The following CUL3 variants were observed in gnomAD, a reference collection of about 807,000 sequenced individuals.
The protein encoded by CUL3 is cullin 3.
A neutral mutation model predicts 89.1 loss-of-function variants in CUL3; 19 were observed. That is an observed-to-expected ratio of 0.21 (90% confidence interval 0.15 to 0.31). CUL3 has a LOEUF of 0.31. CUL3 is among the 10% of genes least tolerant of loss of function. The probability of loss-of-function intolerance (pLI) is 1.00; values close to 1 mark genes in which losing one functional copy is unlikely to be tolerated. For synonymous variants in CUL3, 351 were observed against 308.4 expected (o/e 1.14, Z -1.45); for missense variants, 469 against 942.3 (o/e 0.50, Z 6.58).
In CUL3 at chr2:224,492,181, G is replaced by A. The variant is rs73993901; in HGVS notation, c.1842+3651C>T. 6.6e-3 allele frequency among the ~76,000 whole-genome samples: 1,012 copies of A among 152,232 alleles called. 12 individuals carry two copies. The highest frequency in any genetic ancestry group is 0.023 in the African/African-American group (961 of 41,534). On this transcript the variant is annotated intron_variant, in intron 13 of 15. Coordinates refer to ENST00000264414, the MANE Select transcript of CUL3 (RefSeq NM_003590.5). ...GTCTATTTTGCCTTCTGAGTTCAAA[G>A]TTCGCTAAACAGCCTTCAATTTTAA...
chr2:224,524,315 G>A (rs946859403), intron 3 of CUL3, among the ~76,000 whole-genome samples: 1 of 152,058 alleles, frequency 6.6e-6, no homozygotes, highest in Non-Finnish European at 1.5e-5. Context: ...GACTTAAGAT[G>A]TCAAGGTTCT....
At chr2:224,489,214 C>G (rs1017252056) in intron 13 of CUL3, among the ~76,000 whole-genome samples, 2 of 152,202 alleles carry the variant, frequency 1.3e-5, no homozygotes, top group Admixed American at 6.5e-5. Context: ...AGGATGCCCT[C>G]TCTCACCACT....
At position 224,478,188 on chromosome 2, in the gene CUL3, A is replaced by G; in HGVS notation, c.2175+12T>C. The G allele has an allele frequency of 6.2e-7, 1 of 1,602,206 alleles. No individual in the cohort carries two copies. The highest frequency in any genetic ancestry group is 1.7e-5 in the Admixed American group (1 of 58,856). On this transcript the variant is annotated intron_variant, in intron 15 of 15. Transcript: ENST00000264414. The stretch of plus-strand genomic sequence containing the variant: ...TTTTTTCTATATTAGCCCAGTAGTG[A>G]AGAGTCCTCACCTCCGCTACTAGAA...
chr2:224,544,066 G>C (rs545610690), intron 2 of CUL3, among the ~76,000 whole-genome samples: 2 of 152,044 alleles, frequency 1.3e-5, no homozygotes, highest in Non-Finnish European at 2.9e-5. Flanking sequence ...CAACTGCCCA[G>C]GGAAGTCACT....
At position 224,503,585 on chromosome 2, in the gene CUL3, G is replaced by A. The variant is rs1454078189; in HGVS notation, c.1377+67C>T. On this transcript the variant is annotated intron_variant, in intron 9 of 15. Transcript: ENST00000264414. ...ATCTACCAAATTAATTTCCAATCAC[G>A]TTGTCAGTACACAATCATAATAAAC... The A allele has an allele frequency of 3.1e-5, 38 of 1,244,234 alleles. No homozygotes were observed. The East Asian group carries it at 7.7e-4, about 25-fold the overall frequency. The allele number at this position is 1,244,234 out of a possible 1,614,324, so 77.1% of individuals were successfully genotyped here.
At chr2:224,568,160 C>T (rs1307074418) in intron 1 of CUL3, among the ~76,000 whole-genome samples, 2 of 152,194 alleles carry the variant, frequency 1.3e-5, no homozygotes, top group Non-Finnish European at 1.5e-5. Context: ...GAATCCTTCA[C>T]TGAACTCCTC....
chr2:224,520,526 C>T (rs1277612953), intron 3 of CUL3, among the ~76,000 whole-genome samples: 3 of 152,214 alleles, frequency 2.0e-5, no homozygotes, highest in Non-Finnish European at 4.4e-5. Flanking sequence ...TTAAGACCAA[C>T]TTCCCTGCCA....
intron 2 of CUL3, among the ~76,000 whole-genome samples, chr2:224,536,267 TA>T (rs1232492517): frequency 6.6e-6 from 1 of 152,208 alleles, no homozygotes; most frequent in African/African-American, 2.4e-5. Context: ...GCCTCTTTAC[TA>T]AATACAGCAA....
At chr2:224,532,725 T>C (rs1470063699) in intron 3 of CUL3, among the ~76,000 whole-genome samples, 1 of 152,116 alleles carries the variant, frequency 6.6e-6, no homozygotes, top group Non-Finnish European at 1.5e-5. Context: ...CAGAATTGTA[T>C]TCTGAGGATT....
intron 2 of CUL3, among the ~76,000 whole-genome samples, chr2:224,536,321 C>T (rs908129374): frequency 3.3e-5 from 5 of 152,316 alleles, no homozygotes; most frequent in Middle Eastern, 3.4e-3. Context: ...CATGGCTCGT[C>T]CCACTCACTT....
intron 2 of CUL3, among the ~76,000 whole-genome samples, chr2:224,543,581 G>T (rs905365015): frequency 2.6e-5 from 4 of 152,138 alleles, no homozygotes; most frequent in Non-Finnish European, 5.9e-5. Flanking sequence ...GGTTTTTTCA[G>T]ATTTTGGAAT....
chr2:224,513,433 TA>T, intron 5 of CUL3, 90 bp downstream of exon 5: 6 of 916,958 alleles, frequency 6.5e-6, no homozygotes, highest in South Asian at 1.6e-5. Context: ...GGGTCTCAGT[TA>T]AAAAAGGTCA....
intron 3 of CUL3, among the ~76,000 whole-genome samples, chr2:224,530,341 G>C (rs1693649984): frequency 6.6e-6 from 1 of 151,998 alleles, no homozygotes; most frequent in African/African-American, 2.4e-5. Context: ...TCCTGCTCTG[G>C]GCCTAAGATC....
At chr2:224,520,442 C>T (rs1693219994) in intron 3 of CUL3, among the ~76,000 whole-genome samples, 1 of 152,214 alleles carries the variant, frequency 6.6e-6, no homozygotes, top group Non-Finnish European at 1.5e-5. Context: ...ATAAGCACTT[C>T]ATTTGTAACA....
At chr2:224,511,606 T>A (rs749783215) in intron 5 of CUL3, 24 bp from the exon 6 acceptor site, 5 of 1,300,982 alleles carry the variant, frequency 3.8e-6, no homozygotes, top group African/African-American at 1.5e-5. Flanking sequence ...ATATATATAT[T>A]TTTTAAACAT....
At chr2:224,580,880 GAT>G (rs59883133) in intron 1 of CUL3, among the ~76,000 whole-genome samples, 42,901 of 117,928 alleles carry the variant, frequency 0.36, 6,308 homozygotes, top group Middle Eastern at 0.41. Context: ...GAGTGCTTGA[GAT>G]TTTTTTTTTT....
chr2:224,568,113 A>G (rs1317430967), intron 1 of CUL3, among the ~76,000 whole-genome samples: 3 of 151,822 alleles, frequency 2.0e-5, no homozygotes, highest in Non-Finnish European at 2.9e-5. Context: ...TTCTTTACAC[A>G]TATCTTCTGA....
At chr2:224,524,998 CTTA>C (rs1693416204) in intron 3 of CUL3, among the ~76,000 whole-genome samples, 2 of 142,344 alleles carry the variant, frequency 1.4e-5, no homozygotes, top group Non-Finnish European at 3.1e-5. Context: ...ATAAAATACA[CTTA>C]TTAATCTAAA....
intron 1 of CUL3, chr2:224,560,462 A>G (rs1165453669): frequency 6.5e-6 from 1 of 152,712 alleles, no homozygotes; most frequent in Non-Finnish European, 1.5e-5. Context: ...AGAACTCCTC[A>G]TCTTTTCCCT....
Sources: gnomAD v4.1 joint callset for allele counts (sites outside exome capture counted in the v4.1 genomes callset) on GRCh38, gnomAD v4.1.1 for gene constraint, MANE v1.5 for transcripts, NCBI Gene and HGNC (gene_info 2026-07-23, HGNC 2026-07-21) for gene names.